CDH18: variants seen among roughly 807,000 people sequenced by gnomAD.
CDH18 encodes cadherin 18.
Under a neutral mutation model 67.9 loss-of-function variants are expected in CDH18, and 31 were observed. The ratio of observed to expected loss-of-function variants is 0.46; its 90% CI spans 0.34 to 0.62. CDH18 has a LOEUF of 0.62. Ranked by LOEUF, CDH18 falls within the 20% of genes least tolerant of loss-of-function variation. CDH18 has a pLI of 0.01. For synonymous variants in CDH18, 362 were observed against 347.2 expected, an observed-to-expected ratio of 1.04 and a Z score of -0.48; for missense variants, 890 against 975.5, an observed-to-expected ratio of 0.91 and a Z score of 1.17.
intron 1 of CDH18, among the ~76,000 whole-genome samples, chr5:20,567,803 A>C (rs57202385): frequency 1.3e-5 from 2 of 152,048 alleles, no homozygotes; most frequent in African/African-American, 4.8e-5. Context: ...CAACAGTTTA[A>C]TGACTGGGAC....
intron 4 of CDH18, among the ~76,000 whole-genome samples, chr5:19,741,098 G>A (rs2173341): frequency 0.71 from 106,561 of 150,438 alleles, 41,753 homozygotes; most frequent in Non-Finnish European, 0.87. Flanking sequence ...TAGTGTATGC[G>A]TATATATATA....
At chr5:20,524,947 G>T (rs975003783) in intron 1 of CDH18, among the ~76,000 whole-genome samples, 1 of 152,148 alleles carries the variant, frequency 6.6e-6, no homozygotes, top group Non-Finnish European at 1.5e-5. Context: ...AACCCACAGA[G>T]TATGTCCCTT....
chr5:19,508,652 T>A (rs1744619732), intron 10 of CDH18, among the ~76,000 whole-genome samples: 1 of 152,104 alleles, frequency 6.6e-6, no homozygotes, highest in Non-Finnish European at 1.5e-5. Flanking sequence ...TATCCACTTT[T>A]AAAAATATAC....
At chr5:19,987,766 C>T (rs1415347943) in intron 1 of CDH18, among the ~76,000 whole-genome samples, 1 of 152,172 alleles carries the variant, frequency 6.6e-6, no homozygotes, top group African/African-American at 2.4e-5. Flanking sequence ...ATGTGCCTTG[C>T]AGAGTATTCT....
chr5:20,467,977 C>A (rs536052414), intron 1 of CDH18, among the ~76,000 whole-genome samples: 54 of 145,088 alleles, frequency 3.7e-4, no homozygotes, highest in Non-Finnish European at 7.1e-4. Context: ...TATTTACTTA[C>A]TTTTTATTTT....
Position 19,699,642 on chromosome 5 carries a change from CTG to C in CDH18, c.643+21703_643+21704del, listed in dbSNP as rs70950085. On this transcript the variant is annotated intron_variant, in intron 5 of 12. Coordinates refer to ENST00000382275, the MANE Select transcript of CDH18 (RefSeq NM_004934.5). Reference sequence around the variant, plus strand: ...TGTGTGTGTGTGTGTGTGTGTGTGTCTGTGTGTGTGTGTGTGTGTGTGTTTCT... The same window carrying C: ...TGTGTGTGTGTGTGTGTGTGTGTGTCTGTGTGTGTGTGTGTGTGTGTTTCT... Among the ~76,000 whole-genome samples the C allele has an allele frequency of 3.8e-4, 55 of 144,416 alleles. 1 individual carries two copies. Among genetic ancestry groups the C allele is most frequent in the East Asian group, 8.4e-4 (4 of 4,784 alleles). 94.7% of individuals were successfully genotyped at this position (144,416 alleles called of 152,430 possible).
At chr5:20,234,138 G>A (rs947525530) in intron 2 of CDH18, among the ~76,000 whole-genome samples, 6 of 152,150 alleles carry the variant, frequency 3.9e-5, no homozygotes, top group Non-Finnish European at 8.8e-5. Context: ...AGTTCCCAGT[G>A]AAGCCGCTGG....
chr5:19,522,604 A>G (rs1252712605), intron 9 of CDH18, among the ~76,000 whole-genome samples: 1 of 152,134 alleles, frequency 6.6e-6, no homozygotes, highest in Non-Finnish European at 1.5e-5. Context: ...GGAATAAAGC[A>G]GAATTGCACG....
intron 1 of CDH18, among the ~76,000 whole-genome samples, chr5:20,333,087 A>G (rs77473025): frequency 8.0e-4 from 122 of 152,304 alleles, no homozygotes; most frequent in African/African-American, 2.9e-3. Context: ...ACAAAACAAT[A>G]TTATTGGAGG....
At chr5:20,422,225 A>C (rs1396979911) in intron 1 of CDH18, among the ~76,000 whole-genome samples, 1 of 151,098 alleles carries the variant, frequency 6.6e-6, no homozygotes, top group East Asian at 1.9e-4. Context: ...TTTTTGTAAC[A>C]TAATCAGGAA....
intron 1 of CDH18, among the ~76,000 whole-genome samples, chr5:20,432,421 G>T (rs1748815937): frequency 6.6e-6 from 1 of 152,090 alleles, no homozygotes. Flanking sequence ...TGGAACTTTG[G>T]TTAAATTCAG....
intron 1 of CDH18, among the ~76,000 whole-genome samples, chr5:20,296,349 G>A (rs908392946): frequency 6.6e-6 from 1 of 151,690 alleles, no homozygotes; most frequent in South Asian, 2.1e-4. Context: ...CACCTCCGGG[G>A]TTCAGGCCAT....
At chr5:19,722,443 G>A in intron 4 of CDH18, among the ~76,000 whole-genome samples, 1 of 150,650 alleles carries the variant, frequency 6.6e-6, no homozygotes, top group Non-Finnish European at 1.5e-5. Flanking sequence ...AAAATGGATT[G>A]TAAATTCATT....
chr5:19,924,405 G>A (rs1792866966), intron 2 of CDH18, among the ~76,000 whole-genome samples: 2 of 152,148 alleles, frequency 1.3e-5, no homozygotes, highest in Non-Finnish European at 2.9e-5. Context: ...GGGAGGCTGA[G>A]GAGGGCAGAT....
At position 19,571,679 on chromosome 5, in the gene CDH18, T is replaced by C. The variant is rs141062529; in HGVS notation, c.1153A>G (p.Met385Val). Reference protein sequence around the residue: ...GDVDEPPLFSMPSYLMEVYEN... With the variant: ...GDVDEPPLFSVPSYLMEVYEN... ...TAGACTTCCATGAGGTAGGAAGGCATGGAAAATAGTGGTGGTTCATCTACA... is the reference window on the plus strand; with the variant it reads ...TAGACTTCCATGAGGTAGGAAGGCACGGAAAATAGTGGTGGTTCATCTACA... Residue 385 changes from methionine to valine, a missense_variant, in exon 8 of 13, where the codon ATG becomes GTG. Coordinates refer to ENST00000382275, the MANE Select transcript of CDH18 (RefSeq NM_004934.5). 5.3e-5 allele frequency: 86 copies of C among 1,613,876 alleles called. No homozygotes were observed. The highest frequency in any genetic ancestry group is 6.9e-5 in the Non-Finnish European group (81 of 1,179,852).
At chr5:19,618,619 C>G (rs1159749314) in intron 5 of CDH18, among the ~76,000 whole-genome samples, 1 of 152,058 alleles carries the variant, frequency 6.6e-6, no homozygotes, top group Admixed American at 6.6e-5. Context: ...ACATGTGGAC[C>G]ACTTAATAAC....
intron 2 of CDH18, among the ~76,000 whole-genome samples, chr5:19,875,443 G>A (rs1581746070): frequency 2.3e-5 from 3 of 132,322 alleles, no homozygotes; most frequent in East Asian, 2.0e-4. Context: ...TAGATAGATC[G>A]ATCGATCTAT....
chr5:19,669,257 AATATT>A (rs1460148961), intron 5 of CDH18, among the ~76,000 whole-genome samples: 3 of 135,396 alleles, frequency 2.2e-5, no homozygotes, highest in East Asian at 3.9e-4. Flanking sequence ...TTATATATAA[AATATT>A]ATATTATATA....
intron 1 of CDH18, among the ~76,000 whole-genome samples, chr5:20,362,546 G>GCT (rs1666693226): frequency 6.6e-6 from 1 of 152,052 alleles, no homozygotes; most frequent in South Asian, 2.1e-4. Flanking sequence ...TAGCTTCATT[G>GCT]CTTCTACTTG....
Sources: allele counts gnomAD v4.1 joint callset (sites outside exome capture counted in the v4.1 genomes callset), GRCh38; gene constraint gnomAD v4.1.1; transcripts MANE v1.5; gene names NCBI Gene and HGNC (gene_info 2026-07-23, HGNC 2026-07-21).